Variants in GABBR2 observed in about 807,000 individuals in gnomAD.
GABBR2 encodes G-protein coupled receptor 51.
GABBR2 carries 23 observed loss-of-function variants against 105.6 expected under a neutral mutation model. The observed-to-expected ratio is 0.22, with a 90% CI of 0.16 to 0.31. The LOEUF (loss-of-function observed/expected upper bound fraction) is 0.31. Among genes scored for constraint, GABBR2 ranks in the 10% least tolerant of loss-of-function variants. The pLI, the probability that GABBR2 is intolerant of heterozygous loss-of-function variation, is 1.00. For missense variants in GABBR2, 734 were observed against 1,245.5 expected, an observed-to-expected ratio of 0.59 and a Z score of 6.18; for synonymous variants, 478 against 499.7, an observed-to-expected ratio of 0.96 and a Z score of 0.58.
At chr9:98,670,873 T>C (rs1021000648) in intron 1 of GABBR2, among the ~76,000 whole-genome samples, 5 of 152,146 alleles carry the variant, frequency 3.3e-5, no homozygotes, top group Non-Finnish European at 7.4e-5. Flanking sequence ...AGAGTTCAGT[T>C]TTACAATATG....
intron 1 of GABBR2, among the ~76,000 whole-genome samples, chr9:98,612,463 A>G (rs79695288): frequency 0.012 from 1,774 of 152,278 alleles, 42 homozygotes; most frequent in African/African-American, 0.04. Context: ...TAACCCAGAG[A>G]GTCTGCACTT....
chr9:98,628,782 G>A (rs1176716920), intron 1 of GABBR2, among the ~76,000 whole-genome samples: 1 of 152,100 alleles, frequency 6.6e-6, no homozygotes, highest in Non-Finnish European at 1.5e-5. Context: ...GCTATATGAT[G>A]GAGTGTGTGT....
chr9:98,667,214 G>A (rs992051002), intron 1 of GABBR2, among the ~76,000 whole-genome samples: 4 of 152,170 alleles, frequency 2.6e-5, no homozygotes, highest in Non-Finnish European at 5.9e-5. Flanking sequence ...CTGTAGCAGT[G>A]GGGGTTGTAG....
intron 1 of GABBR2, among the ~76,000 whole-genome samples, chr9:98,658,430 T>C (rs1830211761): frequency 6.6e-6 from 1 of 151,970 alleles, no homozygotes; most frequent in South Asian, 2.1e-4. Context: ...AATGAATGTA[T>C]GCTGGTGTGA....
chr9:98,512,325 G>A (rs1827662115), intron 3 of GABBR2, among the ~76,000 whole-genome samples: 1 of 149,592 alleles, frequency 6.7e-6, no homozygotes, highest in African/African-American at 2.5e-5. Flanking sequence ...AAAACTGGAA[G>A]CATTCCCTTT....
intron 7 of GABBR2, among the ~76,000 whole-genome samples, chr9:98,453,376 A>G (rs1826268730): frequency 6.6e-6 from 1 of 152,180 alleles, no homozygotes; most frequent in South Asian, 2.1e-4. Flanking sequence ...CAGAAAGAAA[A>G]CTGTTTTATT....
chr9:98,481,661 C>T (rs186997633), intron 4 of GABBR2, among the ~76,000 whole-genome samples: 30 of 152,198 alleles, frequency 2.0e-4, no homozygotes, highest in African/African-American at 6.5e-4. Context: ...GTTTCCTCAT[C>T]TGCAAAATGA....
intron 1 of GABBR2, among the ~76,000 whole-genome samples, chr9:98,685,704 AT>A (rs1386835362): frequency 5.3e-5 from 8 of 152,054 alleles, no homozygotes; most frequent in Non-Finnish European, 1.2e-4. Context: ...TACTTATTTT[AT>A]TTTTAAAGAC....
At chr9:98,451,177 AG>A (rs1826222971) in intron 7 of GABBR2, among the ~76,000 whole-genome samples, 1 of 151,970 alleles carries the variant, frequency 6.6e-6, no homozygotes, top group African/African-American at 2.4e-5. Context: ...GAGGGATCTC[AG>A]GGGCTGCAGG....
intron 8 of GABBR2, among the ~76,000 whole-genome samples, chr9:98,403,331 G>T (rs2131525035): frequency 6.6e-6 from 1 of 150,590 alleles, no homozygotes; most frequent in East Asian, 1.9e-4. Context: ...GTAAACAGGA[G>T]CATCTGGCCT....
chr9:98,473,432 T>C (rs1329361603), intron 5 of GABBR2, 86 bp from the exon 6 acceptor site: 6 of 814,654 alleles, frequency 7.4e-6, no homozygotes, highest in African/African-American at 3.4e-5. Flanking sequence ...GGAGGAAGGC[T>C]TCCTCTTCCC....
At chr9:98,629,624 C>T (rs1588259778) in intron 1 of GABBR2, among the ~76,000 whole-genome samples, 1 of 152,314 alleles carries the variant, frequency 6.6e-6, no homozygotes, top group Middle Eastern at 3.4e-3. Context: ...GGGGTCACCC[C>T]TTCCCCATGT....
chr9:98,679,270 G>C (rs1470966911), intron 1 of GABBR2, among the ~76,000 whole-genome samples: 1 of 152,220 alleles, frequency 6.6e-6, no homozygotes, highest in East Asian at 1.9e-4. Context: ...CAATATGACT[G>C]TCTTCCTGGA....
At chr9:98,335,743 A>G (rs1831103330) in intron 13 of GABBR2, among the ~76,000 whole-genome samples, 2 of 152,210 alleles carry the variant, frequency 1.3e-5, no homozygotes, top group Non-Finnish European at 1.5e-5. Flanking sequence ...TAGTATCAAC[A>G]TATTCATCCA....
chr9:98,455,424 A>G (rs957014384), intron 6 of GABBR2, among the ~76,000 whole-genome samples: 4 of 152,152 alleles, frequency 2.6e-5, no homozygotes, highest in African/African-American at 9.7e-5. Flanking sequence ...GAAAAATCAC[A>G]CACAGGACAA....
chr9:98,701,868 T>C (rs997674610), intron 1 of GABBR2, among the ~76,000 whole-genome samples: 18 of 152,098 alleles, frequency 1.2e-4, no homozygotes, highest in African/African-American at 4.1e-4. Flanking sequence ...CCCATTAGAC[T>C]TATTCCTTAT....
intron 13 of GABBR2, among the ~76,000 whole-genome samples, chr9:98,341,105 G>C (rs545481041): frequency 1.3e-5 from 2 of 152,326 alleles, no homozygotes; most frequent in South Asian, 4.1e-4. Context: ...CTGGCCCCAT[G>C]TGCTGCCCAC....
intron 11 of GABBR2, among the ~76,000 whole-genome samples, chr9:98,373,961 A>G (rs558366855): frequency 2.0e-5 from 3 of 150,904 alleles, no homozygotes; most frequent in African/African-American, 2.4e-5. Flanking sequence ...GAGCTCAAAC[A>G]ATCCTCCCAC....
chr9:98,444,698 A>G (rs1484236727), intron 7 of GABBR2, among the ~76,000 whole-genome samples: 1 of 152,210 alleles, frequency 6.6e-6, no homozygotes, highest in Non-Finnish European at 1.5e-5. Flanking sequence ...CTGAAGTCAC[A>G]GAGGGCCCAT....
Sources: gnomAD v4.1 joint callset for allele counts (sites outside exome capture counted in the v4.1 genomes callset) on GRCh38, gnomAD v4.1.1 for gene constraint, MANE v1.5 for transcripts, NCBI Gene and HGNC (gene_info 2026-07-23, HGNC 2026-07-21) for gene names.